The following TOP3B variants were observed in gnomAD, a reference collection of about 807,000 sequenced individuals.
The protein encoded by TOP3B is DNA topoisomerase III beta.
Under a neutral mutation model 93.9 loss-of-function variants are expected in TOP3B, and 45 were observed. That is an observed-to-expected ratio of 0.48 (90% CI 0.38 to 0.61). The LOEUF (loss-of-function observed/expected upper bound fraction) is 0.61, where lower values mean the gene tolerates loss of function less well. Among genes scored for constraint, TOP3B ranks in the 20% least tolerant of loss-of-function variants. TOP3B has a pLI of 0.00. For synonymous variants in TOP3B, 357 were observed against 472.6 expected, an observed-to-expected ratio of 0.76 and a Z score of 3.17; for missense variants, 750 against 1,156.1, an observed-to-expected ratio of 0.65 and a Z score of 5.09.
intron 3 of TOP3B, 162 bp downstream of exon 3, chr22:21,974,195 C>T (rs774369258): frequency 6.1e-5 from 54 of 886,898 alleles, no homozygotes; most frequent in East Asian, 2.4e-4. Context: ...TTCTGGGCAC[C>T]GCACCAGGGA....
rs1300014612 is a variant in TOP3B, at chr22:21,967,720, C to T, written c.739-4G>A. On this transcript the variant is annotated splice_polypyrimidine_tract_variant and splice_region_variant and intron_variant, in intron 7 of 17. Transcript: ENST00000357179. ...ATCTGTCTTTGTCAGTGTTAACCTG[C>T]AGGAAAAAGGATAAAGGGTGAACGC... The T allele has an allele frequency of 1.9e-6, 3 of 1,610,212 alleles. No individual in the cohort carries two copies. Among genetic ancestry groups the T allele is most frequent in the South Asian group, 1.1e-5 (1 of 91,002 alleles).
chr22:21,964,022 G>T lies in TOP3B; in HGVS notation c.1105C>A (p.Arg369=). The T allele has an allele frequency of 6.2e-7, 1 of 1,606,792 alleles. No homozygotes were observed. The highest frequency in any genetic ancestry group is 8.5e-7 in the Non-Finnish European group (1 of 1,176,442). The part of the protein sequence containing the change: ...NHPYWADTVK[R]LLAEGINRPR... ...CGGTTGATACCTTCTGCTAACAACC[G>T]CTTCACCTGAGGGAGAGAAGACAGA... is the stretch of plus-strand genomic sequence containing the variant. Residue 369 remains arginine (R), a synonymous_variant, in exon 11 of 18, where the codon CGG becomes AGG. Transcript: ENST00000357179.
intron 9 of TOP3B, chr22:21,965,010 A>G: frequency 3.1e-6 from 1 of 326,292 alleles, no homozygotes; most frequent in Non-Finnish European, 5.6e-6. Flanking sequence ...GATGAGGCTG[A>G]GGGGCGACGT....
chr22:21,965,094 A>T, intron 9 of TOP3B, 191 bp downstream of exon 9: 1 of 423,014 alleles, frequency 2.4e-6, no homozygotes, highest in Non-Finnish European at 4.2e-6. Context: ...CAGGGACTCT[A>T]ACATCAGGAG....
intron 1 of TOP3B, among the ~76,000 whole-genome samples, chr22:21,981,029 C>G (rs1292362827): frequency 6.6e-6 from 1 of 152,186 alleles, no homozygotes; most frequent in Non-Finnish European, 1.5e-5. Context: ...CTTCTCTCAC[C>G]CTGGGAAGCC....
rs1188966750 is a variant in TOP3B, at chr22:21,963,914, G to A, written c.1204+9C>T. ...TGGAAGCACACCGGGTATGGGATGA[G>A]AGCGGTACCTAATTCGGCCTCTGTG... On this transcript the variant is annotated intron_variant, in intron 11 of 17. Coordinates refer to ENST00000357179, the MANE Select transcript of TOP3B (RefSeq NM_001282112.2). The surrounding 1 kb of genome is among the most constrained non-coding windows in gnomAD (Gnocchi z 4.8). 3.7e-6 allele frequency: 6 copies of A among 1,612,990 alleles called. No homozygotes were observed. Among genetic ancestry groups the A allele is most frequent in the Non-Finnish European group, 4.2e-6 (5 of 1,179,700 alleles).
At chr22:21,979,925 A>T (rs556487814) in intron 1 of TOP3B, among the ~76,000 whole-genome samples, 1 of 127,960 alleles carries the variant, frequency 7.8e-6, no homozygotes. Flanking sequence ...TGGGCGACAG[A>T]GTGAGACTCC....
intron 17 of TOP3B, chr22:21,958,016 T>C (rs1178575156): frequency 7.5e-7 from 1 of 1,325,744 alleles, no homozygotes; most frequent in Non-Finnish European, 9.9e-7. Context: ...GAGGGAGCTT[T>C]CTGCAGAGCA....
intron 8 of TOP3B, chr22:21,965,756 A>T (rs1569148492): frequency 6.4e-6 from 1 of 155,610 alleles, no homozygotes; most frequent in Non-Finnish European, 1.4e-5. Flanking sequence ...AATCCAAGCT[A>T]CTCGTGACGC....
chr22:21,975,728 A>C lies in TOP3B; in HGVS notation c.-19T>G, dbSNP rs1172420831. 1.3e-6 allele frequency: 2 copies of C among 1,597,650 alleles called. No homozygotes were observed. Among genetic ancestry groups the C allele is most frequent in the African/African-American group, 2.7e-5 (2 of 74,576 alleles). On this transcript the variant is annotated 5_prime_UTR_variant, in exon 2 of 18. Coordinates refer to ENST00000357179, the MANE Select transcript of TOP3B (RefSeq NM_001282112.2). The stretch of plus-strand genomic sequence containing the variant: ...TCTTCATTTTGTCTCGGTCCTTCAC[A>C]CTCCAGTTTCGGGGCACTGGCAATG...
intron 3 of TOP3B, 79 bp downstream of exon 3, chr22:21,974,278 G>A: frequency 2.0e-6 from 3 of 1,522,610 alleles, no homozygotes; most frequent in Non-Finnish European, 2.7e-6. Context: ...CTGCCTAGAG[G>A]CATCTCCTGG....
At chr22:21,982,098 G>T (rs1440892405) in intron 1 of TOP3B, 1 of 152,186 alleles carries the variant, frequency 6.6e-6, no homozygotes, top group Non-Finnish European at 1.5e-5. Context: ...CTTGGCAAAA[G>T]AATCCCAGGA....
rs1333944561 is a variant in TOP3B at position 21,960,429 on chromosome 22, C to T, written c.1546G>A (p.Val516Met). The T allele has an allele frequency of 7.4e-6, 12 of 1,613,612 alleles. No homozygotes were observed. Among genetic ancestry groups the T allele is most frequent in the Non-Finnish European group, 9.3e-6 (11 of 1,179,968 alleles). ...CGCTGGCAGATGTTGTTGATATGCA[C>T]AGGGATGCTGGCATCCGTGCCTGCA... ...HGIGTDASIPVHINNICQRNY... is the reference protein window; with the variant it reads ...HGIGTDASIPMHINNICQRNY... The change falls in exon 14 of 18, where the codon GTG (valine) becomes ATG (methionine). Residue 516 changes from valine to methionine, a missense_variant. By Grantham distance (21) the Val-to-Met change is conservative. Coordinates refer to ENST00000357179, the MANE Select transcript of TOP3B (RefSeq NM_001282112.2).
At chr22:21,960,141 G>A in intron 14 of TOP3B, 180 bp downstream of exon 14, 1 of 924,184 alleles carries the variant, frequency 1.1e-6, no homozygotes, top group Non-Finnish European at 1.6e-6. Context: ...CTGAGCTCCT[G>A]CTCTGGGCAG....
intron 6 of TOP3B, chr22:21,969,874 T>C (rs1233442429): frequency 4.8e-6 from 1 of 207,936 alleles, no homozygotes; most frequent in Non-Finnish European, 9.9e-6. Context: ...TGAGCTGAGA[T>C]TGTACCACTG....
intron 13 of TOP3B, chr22:21,961,624 G>C (rs1183369282): frequency 6.5e-6 from 1 of 152,942 alleles, no homozygotes; most frequent in Non-Finnish European, 1.5e-5. Flanking sequence ...TGCCAAGATC[G>C]CCATGGTCAC....
At position 21,963,162 on chromosome 22, in the gene TOP3B, C is replaced by T. The variant is rs988626079; in HGVS notation, c.1205-269G>A. 1.9e-5 allele frequency: 7 copies of T among 360,024 alleles called. No individual in the cohort carries two copies. The highest frequency in any genetic ancestry group is 5.6e-5 in the East Asian group (1 of 17,940). 22.3% of individuals were successfully genotyped at this position (360,024 alleles called of 1,614,324 possible). ...CAGCCTGGCCAACATGGTGAAACCCCGTCTCTACTAAAAATACAAAGAAAT... is the reference window on the plus strand; with the variant it reads ...CAGCCTGGCCAACATGGTGAAACCCTGTCTCTACTAAAAATACAAAGAAAT... On this transcript the variant is annotated intron_variant, in intron 11 of 17. Coordinates refer to ENST00000357179, the MANE Select transcript of TOP3B (RefSeq NM_001282112.2). The surrounding 1 kb of genome is among the most constrained non-coding windows in gnomAD (Gnocchi z 4.8).
chr22:21,962,629 G>T, intron 12 of TOP3B, 27 bp from the exon 13 acceptor site: 5 of 1,606,564 alleles, frequency 3.1e-6, no homozygotes, highest in Non-Finnish European at 3.4e-6. Flanking sequence ...CGCCACTCAG[G>T]GTCCCCAGCC....
At chr22:21,975,895 C>CAAGACCA in intron 1 of TOP3B, 88 bp from the exon 2 acceptor site, 1 of 889,840 alleles carries the variant, frequency 1.1e-6, no homozygotes, top group Non-Finnish European at 1.5e-6. Flanking sequence ...AAAGAAAAAA[C>CAAGACCA]AAGACCAACC....
Sources: allele counts gnomAD v4.1 joint callset (sites outside exome capture counted in the v4.1 genomes callset), GRCh38; gene constraint gnomAD v4.1.1; non-coding constraint Gnocchi (gnomAD v3.1); transcripts MANE v1.5; gene names NCBI Gene and HGNC (gene_info 2026-07-23, HGNC 2026-07-21).